MAP4: variants seen among roughly 807,000 people sequenced by gnomAD.
MAP4 encodes microtubule associated protein 4.
In MAP4, 76 loss-of-function variants were observed where a neutral mutation model predicts 170.2. The observed-to-expected ratio is 0.45, with a 90% CI of 0.37 to 0.54. The LOEUF is 0.54. Among genes scored for constraint, MAP4 ranks in the 20% least tolerant of loss-of-function variants. The probability of loss-of-function intolerance (pLI) is 0.00; values close to 1 mark genes in which losing one functional copy is unlikely to be tolerated. For missense variants in MAP4, 2,506 were observed against 2,748.0 expected, an observed-to-expected ratio of 0.91 and a Z score of 1.97; for synonymous variants, 909 against 994.5, an observed-to-expected ratio of 0.91 and a Z score of 1.62.
chr3:47,961,843 T>G (rs773191546), intron 3 of MAP4, among the ~76,000 whole-genome samples: 1 of 152,178 alleles, frequency 6.6e-6, no homozygotes, highest in Admixed American at 6.5e-5. Context: ...TCAAACAGGC[T>G]TGCTGGTGAT....
At chr3:47,958,491 C>G (rs1221803086) in intron 3 of MAP4, among the ~76,000 whole-genome samples, 2 of 152,150 alleles carry the variant, frequency 1.3e-5, no homozygotes, top group African/African-American at 4.8e-5. Flanking sequence ...TCCTTCTTCC[C>G]ATTATTATAA....
intron 2 of MAP4, among the ~76,000 whole-genome samples, chr3:47,981,680 G>A (rs555927793): frequency 6.6e-6 from 1 of 151,758 alleles, no homozygotes; most frequent in Admixed American, 6.6e-5. Context: ...CACAAGAATA[G>A]CTTGAACCTG....
chr3:47,928,201 A>G (rs1181426727), intron 4 of MAP4, 27 bp downstream of exon 4: 1 of 1,612,388 alleles, frequency 6.2e-7, no homozygotes, highest in East Asian at 2.2e-5. Context: ...GCACACATTT[A>G]GTAGTCACGA....
At position 47,911,189 on chromosome 3, in the gene MAP4, C is replaced by T. The variant is rs957295326; in HGVS notation, c.3232G>A (p.Val1078Ile). 29 of 1,535,960 alleles carry T rather than the reference C, an allele frequency of 1.9e-5. No individual in the cohort carries two copies. In the African/African-American group the frequency reaches 2.2e-4, roughly 12 times the overall value. Residue 1078 changes from valine to isoleucine, a missense_variant, in exon 9 of 21, where the codon GTA becomes ATA. Val to Ile is a conservative substitution (Grantham distance 29). Coordinates refer to ENST00000683076, the MANE Select transcript of MAP4 (RefSeq NM_001385682.1). This position sits in a 1 kb window ranked among gnomAD's most constrained non-coding sequence, Gnocchi z 4.0. ...AATGGCAGCTCAGATTTTGCTTTTA[C>T]CTTCCCAGAATCTGTTCTCATTTTC... The part of the protein sequence containing the change: ...SGKMRTDSGK[V>I]KAKSELPFLL...
intron 20 of MAP4, 61 bp from the exon 21 acceptor site, chr3:47,852,999 G>C: frequency 6.2e-7 from 1 of 1,614,248 alleles, no homozygotes; most frequent in African/African-American, 1.3e-5. Flanking sequence ...GGGGAACACG[G>C]GGGAGACGGA....
At chr3:48,043,993 G>A (rs910916835) in intron 1 of MAP4, among the ~76,000 whole-genome samples, 4 of 144,420 alleles carry the variant, frequency 2.8e-5, no homozygotes, top group Admixed American at 6.9e-5. Flanking sequence ...CTACAGGCAC[G>A]TGCCACCACA....
intron 1 of MAP4, among the ~76,000 whole-genome samples, chr3:48,033,792 AT>A (rs916697884): frequency 6.6e-6 from 1 of 151,684 alleles, no homozygotes; most frequent in African/African-American, 2.4e-5. Flanking sequence ...GTAAAGACGG[AT>A]TTTTTCACTA....
At chr3:47,943,609 C>T (rs1311138688) in intron 3 of MAP4, among the ~76,000 whole-genome samples, 1 of 151,718 alleles carries the variant, frequency 6.6e-6, no homozygotes, top group South Asian at 2.1e-4. Context: ...CTCTTTCCCC[C>T]ACTCTCCCCA....
intron 1 of MAP4, among the ~76,000 whole-genome samples, chr3:48,058,762 G>T (rs1220299841): frequency 1.3e-5 from 2 of 152,086 alleles, no homozygotes; most frequent in Admixed American, 1.3e-4. Context: ...TGAAAATCTA[G>T]ATACAATATT....
intron 1 of MAP4, among the ~76,000 whole-genome samples, chr3:48,032,765 T>A (rs936133325): frequency 6.6e-6 from 1 of 152,024 alleles, no homozygotes; most frequent in Non-Finnish European, 1.5e-5. Context: ...AATCTACAAT[T>A]CCCCTGAGAA....
chr3:48,042,502 T>G (rs897634378), intron 1 of MAP4, among the ~76,000 whole-genome samples: 2 of 152,136 alleles, frequency 1.3e-5, no homozygotes, highest in East Asian at 3.9e-4. Context: ...AAAGATAATA[T>G]ACAAATGGCC....
At chr3:47,886,003 C>T (rs2097537739) in intron 10 of MAP4, among the ~76,000 whole-genome samples, 1 of 152,184 alleles carries the variant, frequency 6.6e-6, no homozygotes, top group African/African-American at 2.4e-5. Context: ...GTTGGGATTA[C>T]GGGCGTGAGC....
At chr3:47,944,416 T>TTTATAGATTTTCTATAA (rs2100058410) in intron 3 of MAP4, among the ~76,000 whole-genome samples, 1 of 152,216 alleles carries the variant, frequency 6.6e-6, no homozygotes, top group East Asian at 1.9e-4. Flanking sequence ...CAAAATATAG[T>TTTATAGATTTTCTATAA]ATTTTACTTT....
intron 2 of MAP4, among the ~76,000 whole-genome samples, chr3:47,990,582 T>G (rs1207716504): frequency 1.3e-5 from 2 of 152,216 alleles, no homozygotes; most frequent in African/African-American, 4.8e-5. Flanking sequence ...AAGAACTATT[T>G]AATCACACAG....
At chr3:48,081,509 C>A (rs1218230858) in intron 1 of MAP4, among the ~76,000 whole-genome samples, 1 of 151,860 alleles carries the variant, frequency 6.6e-6, no homozygotes, top group Non-Finnish European at 1.5e-5. Flanking sequence ...ACAATTAAGA[C>A]TATTTTTTAC....
At chr3:47,941,435 T>G (rs2100056330) in intron 3 of MAP4, among the ~76,000 whole-genome samples, 1 of 151,708 alleles carries the variant, frequency 6.6e-6, no homozygotes, top group African/African-American at 2.4e-5. Context: ...GAGGCAGATA[T>G]AAAAATACAG....
At chr3:47,933,489 G>A (rs935385984) in intron 3 of MAP4, among the ~76,000 whole-genome samples, 3 of 151,950 alleles carry the variant, frequency 2.0e-5, no homozygotes, top group African/African-American at 4.8e-5. Flanking sequence ...CCAAGCTGGA[G>A]TGCGGTAGTA....
intron 1 of MAP4, among the ~76,000 whole-genome samples, chr3:48,011,625 G>A (rs1422174666): frequency 1.3e-5 from 2 of 152,092 alleles, no homozygotes; most frequent in East Asian, 1.9e-4. Context: ...GAATGTGGGT[G>A]GGAAGCCCTA....
At chr3:47,947,699 T>C (rs1334022617) in intron 3 of MAP4, among the ~76,000 whole-genome samples, 7 of 150,124 alleles carry the variant, frequency 4.7e-5, no homozygotes. Flanking sequence ...TAGTCCCAGT[T>C]ACTCGGGAGG....
Sources: allele counts gnomAD v4.1 joint callset (sites outside exome capture counted in the v4.1 genomes callset), GRCh38; gene constraint gnomAD v4.1.1; non-coding constraint Gnocchi (gnomAD v3.1); transcripts MANE v1.5; gene names NCBI Gene and HGNC (gene_info 2026-07-23, HGNC 2026-07-21).